RPS3: variants seen among roughly 807,000 people sequenced by gnomAD.
RPS3 encodes small ribosomal subunit protein uS3.
A neutral mutation model predicts 25.8 loss-of-function variants in RPS3; 2 were observed. The ratio of observed to expected loss-of-function variants is 0.08; its 90% CI spans 0.03 to 0.24. The LOEUF (loss-of-function observed/expected upper bound fraction) is 0.24, where lower values mean the gene tolerates loss of function less well. RPS3 is among the 10% of genes least tolerant of loss of function. The pLI is 1.00. For missense variants in RPS3, 107 were observed against 307.1 expected (o/e 0.35, Z 4.87); for synonymous variants, 114 against 114.2 (o/e 1.00, Z 0.01).
intron 6 of RPS3, among the ~76,000 whole-genome samples, chr11:75,416,312 A>G (rs1314849428): frequency 2.0e-5 from 3 of 152,074 alleles, no homozygotes; most frequent in African/African-American, 7.2e-5. Flanking sequence ...CCCCATCCCA[A>G]CTGTACGTGC....
downstream of RPS3, among the ~76,000 whole-genome samples, chr11:75,410,214 C>T (rs530657656): frequency 4.7e-4 from 70 of 150,502 alleles, no homozygotes; most frequent in African/African-American, 1.5e-3. Flanking sequence ...CGGGCGGAGA[C>T]GCTCCTCACT....
chr11:75,417,722 CCCCTCCTGGG>C (rs1256126382), intron 6 of RPS3, among the ~76,000 whole-genome samples: 1 of 152,242 alleles, frequency 6.6e-6, no homozygotes, highest in Non-Finnish European at 1.5e-5. Flanking sequence ...GGTCTCCTGG[CCCCTCCTGGG>C]CCCTCCTGAC....
chr11:75,400,499 A>T, intron 1 of RPS3, 195 bp from the exon 2 acceptor site: 2 of 774,440 alleles, frequency 2.6e-6, no homozygotes, highest in Non-Finnish European at 4.4e-6. Flanking sequence ...TGGTTGAAGT[A>T]ATTTCCTAAA....
intron 6 of RPS3, among the ~76,000 whole-genome samples, chr11:75,414,726 G>A (rs1948383081): frequency 6.6e-6 from 1 of 152,240 alleles, no homozygotes; most frequent in South Asian, 2.1e-4. Flanking sequence ...CTGCTTAACT[G>A]ATCAGCTTGC....
rs750848881 is a variant in RPS3 at position 75,401,630 on chromosome 11, T to TC, written c.162-3dup. The TC allele has an allele frequency of 1.7e-4, 268 of 1,582,616 alleles. 1 individual carries two copies. The South Asian group carries it at 2.6e-3, about 15-fold the overall frequency. ...TGTGAGAATCTTGAATTGTCACTTT[T>TC]CCCCCCCAGAACACAGAATGTTCTT... On this transcript the variant is annotated splice_polypyrimidine_tract_variant and intron_variant, in intron 2 of 6. Coordinates refer to ENST00000531188, the MANE Select transcript of RPS3 (RefSeq NM_001005.5).
At position 75,402,335 on chromosome 11, in the gene RPS3, C is replaced by A; in HGVS notation, c.256-17C>A. ...ATAATGGTGATGGTAACAGGATATCCCTTGCTTCCTTTAAAGCTTTATGCT... is the reference window on the plus strand; with the variant it reads ...ATAATGGTGATGGTAACAGGATATCACTTGCTTCCTTTAAAGCTTTATGCT... On this transcript the variant is annotated splice_polypyrimidine_tract_variant and intron_variant, in intron 3 of 6. Transcript: ENST00000531188. 1 of 1,612,818 alleles carries A rather than the reference C, an allele frequency of 6.2e-7. No individual in the cohort carries two copies. The highest frequency in any genetic ancestry group is 1.1e-5 in the South Asian group (1 of 91,044).
downstream of RPS3, among the ~76,000 whole-genome samples, chr11:75,407,608 A>G (rs1257593261): frequency 1.3e-5 from 2 of 152,130 alleles, no homozygotes; most frequent in Non-Finnish European, 1.5e-5. Flanking sequence ...AGCTGGGACT[A>G]CAGGCGCCCG....
downstream of RPS3, among the ~76,000 whole-genome samples, chr11:75,408,472 CAAAAA>C (rs60447819): frequency 7.0e-6 from 1 of 143,138 alleles, no homozygotes; most frequent in Non-Finnish European, 1.6e-5. Context: ...GACCCTGTCT[CAAAAA>C]AATAAAAAAA....
chr11:75,406,100 C>T lies in RPS3; in HGVS notation c.*490C>T, dbSNP rs905490514. 1 of 153,974 alleles carries T rather than the reference C, an allele frequency of 6.5e-6. No homozygotes were observed. Among genetic ancestry groups the T allele is most frequent in the African/African-American group, 2.4e-5 (1 of 41,468 alleles). The allele number at this position is 153,974 out of a possible 1,614,324, so 9.5% of individuals were successfully genotyped here. A position where few individuals can be genotyped will look rare whatever the true frequency, so the allele number is the denominator to read the frequency against. ...CTTGCACCACTGAAGGCACATAAGG[C>T]TCAGAAGTAAATTTGCCTAAGCAGT... On this transcript the variant is annotated 3_prime_UTR_variant, in exon 7 of 7. Transcript: ENST00000531188.
rs1263380324 is a variant in RPS3, at chr11:75,402,457, T to C, written c.350+11T>C. 1 of 1,599,916 alleles carries C rather than the reference T, an allele frequency of 6.3e-7. No homozygotes were observed. The highest frequency in any genetic ancestry group is 8.6e-7 in the Non-Finnish European group (1 of 1,169,260). On this transcript the variant is annotated intron_variant, in intron 4 of 6. Coordinates refer to ENST00000531188, the MANE Select transcript of RPS3 (RefSeq NM_001005.5). ...GCTTGCTGTGCGGAGGTAAGTGTCC[T>C]GAGACCTAATGGTCATGACCTTTTG...
At chr11:75,401,595 A>G (rs763176353) in intron 2 of RPS3, 45 bp from the exon 3 acceptor site, 1 of 1,274,772 alleles carries the variant, frequency 7.8e-7, no homozygotes, top group Non-Finnish European at 1.1e-6. Flanking sequence ...TTAAAGTTAC[A>G]TCTAGCATTT....
In RPS3 at chr11:75,404,435, CGAT is replaced by C. The variant is rs1565164471; in HGVS notation, c.538+231_539-232del. ...ATCTGTGTACCCTTCAGTGATGACA[CGAT>C]GACGAGTCAGAAAGGTCACGTCCTG... On this transcript the variant is annotated intron_variant, in intron 5 of 6. Coordinates refer to ENST00000531188, the MANE Select transcript of RPS3 (RefSeq NM_001005.5). This position sits in a 1 kb window ranked among gnomAD's most constrained non-coding sequence, Gnocchi z 4.6. 2.5e-6 allele frequency: 2 copies of C among 785,030 alleles called. No homozygotes were observed. Among genetic ancestry groups the C allele is most frequent in the Admixed American group, 1.7e-5 (1 of 58,872 alleles). 48.6% of individuals were successfully genotyped at this position (785,030 alleles called of 1,614,324 possible).
intron 6 of RPS3, among the ~76,000 whole-genome samples, chr11:75,414,876 A>ATTT (rs2135069430): frequency 6.6e-6 from 1 of 152,300 alleles, no homozygotes; most frequent in African/African-American, 2.4e-5. Context: ...AGGACAGTGG[A>ATTT]TAAAGGGTTT....
rs753862454 is a variant in RPS3, at chr11:75,404,240, T to C, written c.538+33T>C. Reference sequence around the variant, plus strand: ...GCTGAGAGTGCTTGGCAAAGGGCATTTGTGGACAGATTTGGTTTTCCACAG... The same window carrying C: ...GCTGAGAGTGCTTGGCAAAGGGCATCTGTGGACAGATTTGGTTTTCCACAG... On this transcript the variant is annotated intron_variant, in intron 5 of 6. Transcript: ENST00000531188. This position sits in a 1 kb window ranked among gnomAD's most constrained non-coding sequence, Gnocchi z 4.6. 25 of 1,592,230 alleles carry C rather than the reference T, an allele frequency of 1.6e-5. No homozygotes were observed. Among genetic ancestry groups the C allele is most frequent in the Non-Finnish European group, 2.1e-5 (24 of 1,164,484 alleles).
rs1449891912 is a variant in RPS3 at position 75,399,534 on chromosome 11, A to C, written c.-14A>C. 6.2e-7 allele frequency: 1 copy of C among 1,613,770 alleles called. No individual in the cohort carries two copies. The highest frequency in any genetic ancestry group is 8.5e-7 in the Non-Finnish European group (1 of 1,179,904). On this transcript the variant is annotated 5_prime_UTR_variant, in exon 1 of 7. Transcript: ENST00000531188. Reference sequence around the variant, plus strand: ...GAGCCACTTCCTTTCCTTTCAGCGGAGCGCGGCGGCAAGATGGCAGTGCAA... The same window carrying C: ...GAGCCACTTCCTTTCCTTTCAGCGGCGCGCGGCGGCAAGATGGCAGTGCAA...
intron 6 of RPS3, 134 bp downstream of exon 6, chr11:75,405,002 T>C: frequency 1.6e-6 from 1 of 608,562 alleles, no homozygotes. Flanking sequence ...TGTGGGAGAA[T>C]ACAAGTTGAA....
At chr11:75,409,837 G>T (rs1176612783), downstream of RPS3, among the ~76,000 whole-genome samples, 1 of 146,130 alleles carries the variant, frequency 6.8e-6, no homozygotes, top group Non-Finnish European at 1.5e-5. Context: ...CCTCCCTCCC[G>T]GACGGGGCGG....
intron 6 of RPS3, among the ~76,000 whole-genome samples, chr11:75,418,030 A>G (rs901772087): frequency 3.9e-5 from 6 of 152,226 alleles, no homozygotes; most frequent in African/African-American, 1.4e-4. Context: ...AGAGGTGCAG[A>G]TACGGGCTCC....
At chr11:75,400,966 T>A in intron 2 of RPS3, 142 bp downstream of exon 2, 4 of 1,244,552 alleles carry the variant, frequency 3.2e-6, no homozygotes, top group Admixed American at 6.4e-5. Context: ...CACTGCAAGC[T>A]CCGCCTCCCG....
Sources: allele counts gnomAD v4.1 joint callset (sites outside exome capture counted in the v4.1 genomes callset), GRCh38; gene constraint gnomAD v4.1.1; non-coding constraint Gnocchi (gnomAD v3.1); transcripts MANE v1.5; gene names NCBI Gene and HGNC (gene_info 2026-07-23, HGNC 2026-07-21).